DNAJC3: variants seen among roughly 807,000 people sequenced by gnomAD.
The protein encoded by DNAJC3 is DnaJ heat shock protein family (Hsp40) member C3.
Under a neutral mutation model 68.6 loss-of-function variants are expected in DNAJC3, and 38 were observed. The observed-to-expected ratio is 0.55, with a 90% CI of 0.43 to 0.73. DNAJC3 has a LOEUF of 0.73. Among genes scored for constraint, DNAJC3 ranks in the 30% least tolerant of loss-of-function variants. The probability of loss-of-function intolerance (pLI) is 0.00; values close to 1 mark genes in which losing one functional copy is unlikely to be tolerated. For synonymous variants in DNAJC3, 203 were observed against 204.0 expected (o/e 1.00, Z 0.04); for missense variants, 526 against 591.9 (o/e 0.89, Z 1.16).
chr13:95,723,163 A>C, intron 2 of DNAJC3, 79 bp from the exon 3 acceptor site: 118 of 1,242,300 alleles, frequency 9.5e-5, no homozygotes, highest in Non-Finnish European at 1.2e-4. Flanking sequence ...AAGTGCTGAT[A>C]CTGTCCAGGT....
At chr13:95,689,463 G>A (rs1000000219) in intron 1 of DNAJC3, among the ~76,000 whole-genome samples, 15 of 151,876 alleles carry the variant, frequency 9.9e-5, no homozygotes, top group Non-Finnish European at 8.8e-5. Context: ...ATTTCTGGTT[G>A]TGCTTATTTG....
chr13:95,712,363 A>C (rs1004528671), intron 2 of DNAJC3, among the ~76,000 whole-genome samples: 1 of 146,096 alleles, frequency 6.8e-6, no homozygotes, highest in African/African-American at 2.5e-5. Context: ...GGTCCTAGCC[A>C]ATGCTTTTTT....
chr13:95,790,069 G>GTTGA lies in DNAJC3; in HGVS notation c.1358-802_1358-799dup, dbSNP rs570649415. On this transcript the variant is annotated intron_variant, in intron 11 of 11. Coordinates refer to ENST00000602402, the MANE Select transcript of DNAJC3 (RefSeq NM_006260.5). ...ATTCTGTAGGTTGTCTGTTTACTCTGTTGATAGTTTCTTTTGCTGTGTAGA... is the reference window on the plus strand; with the variant it reads ...ATTCTGTAGGTTGTCTGTTTACTCTGTTGATTGATAGTTTCTTTTGCTGTGTAGA... Among the ~76,000 whole-genome samples, 172 of 152,260 alleles carry GTTGA rather than the reference G, an allele frequency of 1.1e-3. 2 individuals carry two copies. The highest frequency in any genetic ancestry group is 4.0e-3 in the African/African-American group (166 of 41,558).
At chr13:95,748,130 A>C (rs1882362103) in intron 4 of DNAJC3, among the ~76,000 whole-genome samples, 1 of 152,214 alleles carries the variant, frequency 6.6e-6, no homozygotes, top group African/African-American at 2.4e-5. Context: ...CTTTGGGCTT[A>C]CGTGGATAAT....
At chr13:95,777,396 A>G (rs1294545996) in intron 9 of DNAJC3, among the ~76,000 whole-genome samples, 1 of 152,112 alleles carries the variant, frequency 6.6e-6, no homozygotes, top group East Asian at 1.9e-4. Flanking sequence ...GTCTAGATCC[A>G]TCTTTCACTT....
intron 11 of DNAJC3, among the ~76,000 whole-genome samples, chr13:95,789,834 CATT>C (rs1255720736): frequency 6.6e-6 from 1 of 152,052 alleles, no homozygotes; most frequent in Non-Finnish European, 1.5e-5. Context: ...TAATAATAGC[CATT>C]TTTTATTTGC....
chr13:95,739,928 C>T (rs1424669830), intron 4 of DNAJC3, among the ~76,000 whole-genome samples: 3 of 152,042 alleles, frequency 2.0e-5, no homozygotes, highest in Non-Finnish European at 4.4e-5. Context: ...CTGTTTTTTC[C>T]CCATCTTTGT....
intron 4 of DNAJC3, among the ~76,000 whole-genome samples, chr13:95,738,305 T>C (rs931012473): frequency 3.3e-5 from 5 of 150,666 alleles, no homozygotes; most frequent in African/African-American, 7.4e-5. Flanking sequence ...TTCTGTTGAT[T>C]TGGGGTGGAG....
intron 9 of DNAJC3, among the ~76,000 whole-genome samples, chr13:95,778,106 G>C (rs560093472): frequency 1.3e-5 from 2 of 152,164 alleles, no homozygotes; most frequent in East Asian, 1.9e-4. Context: ...TGCCCAGAGT[G>C]AGCCACACAT....
At chr13:95,725,626 A>C (rs1881482400) in intron 4 of DNAJC3, among the ~76,000 whole-genome samples, 1 of 149,954 alleles carries the variant, frequency 6.7e-6, no homozygotes, top group African/African-American at 2.4e-5. Flanking sequence ...GAGATCCTTC[A>C]TTTGATTTGA....
intron 1 of DNAJC3, among the ~76,000 whole-genome samples, chr13:95,685,724 G>A (rs576332819): frequency 6.6e-6 from 1 of 152,138 alleles, no homozygotes; most frequent in South Asian, 2.1e-4. Context: ...GTTTTCCATA[G>A]TGGTTGAACT....
intron 1 of DNAJC3, among the ~76,000 whole-genome samples, chr13:95,682,593 T>G (rs1049924521): frequency 2.6e-5 from 4 of 152,174 alleles, no homozygotes; most frequent in African/African-American, 9.7e-5. Flanking sequence ...CTGCTTATTT[T>G]GCTGACTTAT....
chr13:95,725,651 CAG>C (rs1347334822), intron 4 of DNAJC3, among the ~76,000 whole-genome samples: 2 of 151,178 alleles, frequency 1.3e-5, no homozygotes, highest in Non-Finnish European at 2.9e-5. Flanking sequence ...AGTAATGAAA[CAG>C]ATTCTTTTTT....
chr13:95,781,429 T>C (rs1261717588), intron 9 of DNAJC3, among the ~76,000 whole-genome samples: 3 of 152,132 alleles, frequency 2.0e-5, no homozygotes, highest in Non-Finnish European at 4.4e-5. Context: ...GCTTGCATTG[T>C]GGTTCTCTCT....
At chr13:95,758,812 T>C (rs1882740074) in intron 5 of DNAJC3, among the ~76,000 whole-genome samples, 4 of 152,212 alleles carry the variant, frequency 2.6e-5, no homozygotes, top group Admixed American at 2.0e-4. Flanking sequence ...TATTTTGATA[T>C]ACAGTTTCAT....
chr13:95,727,194 G>GTT (rs796640225), intron 4 of DNAJC3, among the ~76,000 whole-genome samples: 9 of 146,354 alleles, frequency 6.1e-5, no homozygotes, highest in African/African-American at 2.0e-4. Flanking sequence ...TGTTACTTAG[G>GTT]TTTTTTTTTT....
At chr13:95,715,131 A>C (rs1421958881) in intron 2 of DNAJC3, among the ~76,000 whole-genome samples, 1 of 152,238 alleles carries the variant, frequency 6.6e-6, no homozygotes, top group Non-Finnish European at 1.5e-5. Context: ...TTACAACTGT[A>C]ATTCTAGCAC....
chr13:95,753,193 G>A (rs17879029), intron 4 of DNAJC3, among the ~76,000 whole-genome samples: 2,288 of 151,916 alleles, frequency 0.015, 57 homozygotes, highest in African/African-American at 0.052. Context: ...TCTCATACTC[G>A]TTACCTCAGG....
At chr13:95,751,990 A>G (rs1566499267) in intron 4 of DNAJC3, among the ~76,000 whole-genome samples, 1 of 152,226 alleles carries the variant, frequency 6.6e-6, no homozygotes, top group Non-Finnish European at 1.5e-5. Flanking sequence ...ACCTCCCACC[A>G]GGTCCCTCCC....
Sources: gnomAD v4.1 joint callset for allele counts (sites outside exome capture counted in the v4.1 genomes callset) on GRCh38, gnomAD v4.1.1 for gene constraint, MANE v1.5 for transcripts, NCBI Gene and HGNC (gene_info 2026-07-23, HGNC 2026-07-21) for gene names.